The following PLCG2 variants were observed in gnomAD, a reference collection of about 807,000 sequenced individuals.
PLCG2 encodes 1-phosphatidylinositol 4,5-bisphosphate phosphodiesterase gamma-2.
In PLCG2, 69 loss-of-function variants were observed where a neutral mutation model predicts 175.6. The ratio of observed to expected loss-of-function variants is 0.39; its 90% CI spans 0.32 to 0.48. The LOEUF is 0.48. Among genes scored for constraint, PLCG2 ranks in the 20% least tolerant of loss-of-function variants. The pLI is 0.91. For synonymous variants in PLCG2, 827 were observed against 624.0 expected, an observed-to-expected ratio of 1.33 and a Z score of -4.85; for missense variants, 1,798 against 1,650.9, an observed-to-expected ratio of 1.09 and a Z score of -1.54.
chr16:81,894,033 G>A (rs1230628656), intron 12 of PLCG2, among the ~76,000 whole-genome samples: 1 of 148,258 alleles, frequency 6.7e-6, no homozygotes, highest in African/African-American at 2.5e-5. Context: ...GCTGGTATTA[G>A]AGGAAGGCAA....
chr16:81,934,801 C>T (rs143861248), intron 26 of PLCG2, among the ~76,000 whole-genome samples: 1,914 of 151,142 alleles, frequency 0.013, 34 homozygotes, highest in African/African-American at 0.042. Flanking sequence ...CACAGTTCCA[C>T]GTGGAGGAGG....
At chr16:81,827,882 G>A (rs920220132) in intron 2 of PLCG2, among the ~76,000 whole-genome samples, 1 of 151,980 alleles carries the variant, frequency 6.6e-6, no homozygotes, top group Admixed American at 6.6e-5. Flanking sequence ...CCTGAGGTCG[G>A]GAGTTCAAGT....
chr16:81,899,289 T>TATATATATATACACACACACACACAC (rs908648451), intron 13 of PLCG2, among the ~76,000 whole-genome samples: 2 of 92,418 alleles, frequency 2.2e-5, no homozygotes, highest in African/African-American at 7.6e-5. Flanking sequence ...TATATATATA[T>TATATATATATACACACACACACACAC]ACACACACAC....
At chr16:81,875,268 C>T (rs750356167) in intron 7 of PLCG2, among the ~76,000 whole-genome samples, 18 of 152,016 alleles carry the variant, frequency 1.2e-4, no homozygotes, top group Non-Finnish European at 2.4e-4. Flanking sequence ...CCAACCTGCT[C>T]TATGTGTTTT....
rs1239642892 is a variant in PLCG2 at position 81,962,450 on chromosome 16, C to T, written c.*4452C>T. ...ATTTTCTTTTTGAAGAGCCAGATTCCAGTGATCCTGCCTCTCAGAAATTTC... is the reference window on the plus strand; with the variant it reads ...ATTTTCTTTTTGAAGAGCCAGATTCTAGTGATCCTGCCTCTCAGAAATTTC... On this transcript the variant is annotated 3_prime_UTR_variant, in exon 33 of 33. Transcript: ENST00000564138. 2 of 215,614 alleles carry T rather than the reference C, an allele frequency of 9.3e-6. No homozygotes were observed. The highest frequency in any genetic ancestry group is 1.9e-5 in the Non-Finnish European group (2 of 107,234). The allele number at this position is 215,614 out of a possible 1,614,324, so 13.4% of individuals were successfully genotyped here. A position where few individuals can be genotyped will look rare whatever the true frequency, so the allele number is the denominator to read the frequency against.
At chr16:81,839,043 A>C (rs1037643718) in intron 2 of PLCG2, among the ~76,000 whole-genome samples, 3 of 152,118 alleles carry the variant, frequency 2.0e-5, no homozygotes, top group Admixed American at 6.5e-5. Flanking sequence ...TTTTGCTTCC[A>C]GCAGACAACT....
At chr16:81,873,205 C>G (rs745574989) in intron 7 of PLCG2, among the ~76,000 whole-genome samples, 30 of 152,218 alleles carry the variant, frequency 2.0e-4, no homozygotes, top group Non-Finnish European at 2.9e-4. Flanking sequence ...GAAGCCATCT[C>G]TGTCCTCTCA....
chr16:81,851,150 A>G (rs1311522515), intron 2 of PLCG2, among the ~76,000 whole-genome samples: 1 of 152,234 alleles, frequency 6.6e-6, no homozygotes, highest in African/African-American at 2.4e-5. Flanking sequence ...AGGGCCACCC[A>G]TAATTGAGAA....
chr16:81,827,280 A>G (rs900214495), intron 2 of PLCG2, among the ~76,000 whole-genome samples: 3 of 151,114 alleles, frequency 2.0e-5, no homozygotes, highest in Non-Finnish European at 4.4e-5. Flanking sequence ...TCAGCTTCCC[A>G]GGATCAAGTG....
intron 2 of PLCG2, among the ~76,000 whole-genome samples, chr16:81,802,898 A>G (rs1481513450): frequency 1.3e-5 from 2 of 152,242 alleles, no homozygotes; most frequent in East Asian, 1.9e-4. Flanking sequence ...GTACCCCTTA[A>G]TGTATACTGT....
chr16:81,892,155 C>G (rs1445707763), intron 11 of PLCG2, among the ~76,000 whole-genome samples: 1 of 152,204 alleles, frequency 6.6e-6, no homozygotes, highest in African/African-American at 2.4e-5. Flanking sequence ...GCAGGAACAA[C>G]TGAGAGGAGT....
rs190029688 is a variant in PLCG2, at chr16:81,895,773, C to T, written c.1073-34C>T. ...GACCTCGGGGCTGTCAGTGAACACA[C>T]GTGGTATTGAGGCTGCCGCGTTTCT... On this transcript the variant is annotated intron_variant, in intron 12 of 32. Transcript: ENST00000564138. The T allele has an allele frequency of 2.2e-4, 357 of 1,613,064 alleles. 2 individuals carry two copies. The African/African-American group carries it at 4.3e-3, about 20-fold the overall frequency.
intron 2 of PLCG2, among the ~76,000 whole-genome samples, chr16:81,799,598 A>AT (rs35033377): frequency 0.33 from 44,720 of 134,538 alleles, 7,676 homozygotes; most frequent in South Asian, 0.46. Context: ...CCTGTTATTA[A>AT]TTTTTTTTTT....
chr16:81,845,632 C>A (rs2143442702), intron 2 of PLCG2, among the ~76,000 whole-genome samples: 1 of 152,348 alleles, frequency 6.6e-6, no homozygotes, highest in Middle Eastern at 3.4e-3. Flanking sequence ...TTGTTCCCAG[C>A]CTCGGGTCAG....
At chr16:81,795,876 T>G (rs3924349) in intron 2 of PLCG2, among the ~76,000 whole-genome samples, 29,253 of 152,156 alleles carry the variant, frequency 0.19, 3,735 homozygotes, top group East Asian at 0.68. Flanking sequence ...CCTCCCACCT[T>G]CTATTGAACA....
chr16:81,876,408 C>G (rs1425508431), intron 7 of PLCG2, among the ~76,000 whole-genome samples: 2 of 152,108 alleles, frequency 1.3e-5, no homozygotes, highest in Non-Finnish European at 2.9e-5. Context: ...TGCGTAAGAC[C>G]AGCTTCGGTT....
intron 30 of PLCG2, among the ~76,000 whole-genome samples, chr16:81,945,403 C>G (rs1325660007): frequency 1.3e-5 from 2 of 152,236 alleles, no homozygotes; most frequent in Non-Finnish European, 2.9e-5. Flanking sequence ...TTAAAAGCAA[C>G]TCAAACATAT....
intron 2 of PLCG2, among the ~76,000 whole-genome samples, chr16:81,772,038 T>C (rs8058848): frequency 1 from 151,596 of 152,282 alleles, 75,464 homozygotes; most frequent in Middle Eastern, 1. Flanking sequence ...CCACTTCGGC[T>C]TCCCAAAGTG....
At position 81,885,302 on chromosome 16, in the gene PLCG2, G is replaced by A. The variant is rs532027565; in HGVS notation, c.765+1961G>A. Among the ~76,000 whole-genome samples, 5 of 150,698 alleles carry A rather than the reference G, an allele frequency of 3.3e-5. No homozygotes were observed. The East Asian group carries it at 9.8e-4, about 30-fold the overall frequency. Reference sequence around the variant, plus strand: ...GCCTCCCAAAGTGCTGGGATTACAGGTGTGAGCCACCACGCCCAGCCCCGA... The same window carrying A: ...GCCTCCCAAAGTGCTGGGATTACAGATGTGAGCCACCACGCCCAGCCCCGA... On this transcript the variant is annotated intron_variant, in intron 9 of 32. Coordinates refer to ENST00000564138, the MANE Select transcript of PLCG2 (RefSeq NM_002661.5).
Sources: gnomAD v4.1 joint callset for allele counts (sites outside exome capture counted in the v4.1 genomes callset) on GRCh38, gnomAD v4.1.1 for gene constraint, MANE v1.5 for transcripts, NCBI Gene and HGNC (gene_info 2026-07-23, HGNC 2026-07-21) for gene names.